Variants in MIER3 observed in about 807,000 individuals in gnomAD.
MIER3 encodes the protein mesoderm induction early response protein 3.
Under a neutral mutation model 63.2 loss-of-function variants are expected in MIER3, and 9 were observed. That is an observed-to-expected ratio of 0.14 (90% CI 0.09 to 0.25). MIER3 has a LOEUF of 0.25. Ranked by LOEUF, MIER3 falls within the 10% of genes least tolerant of loss-of-function variation. MIER3 has a pLI of 1.00. For synonymous variants in MIER3, 205 were observed against 224.9 expected, an observed-to-expected ratio of 0.91 and a Z score of 0.79; for missense variants, 512 against 666.2, an observed-to-expected ratio of 0.77 and a Z score of 2.55.
At chr5:56,940,417 G>C (rs191623156) in intron 3 of MIER3, among the ~76,000 whole-genome samples, 5 of 152,362 alleles carry the variant, frequency 3.3e-5, no homozygotes, top group Admixed American at 2.6e-4. Flanking sequence ...AGAAGAGCCA[G>C]TGATGATTCC....
Position 56,933,295 on chromosome 5 carries a change from T to C in MIER3, c.699A>G (p.Lys233=). 2 of 1,613,172 alleles carry C rather than the reference T, an allele frequency of 1.2e-6. No homozygotes were observed. The highest frequency in any genetic ancestry group is 2.2e-5 in the South Asian group (2 of 90,910). The change falls in exon 8 of 13, where the codon AAA becomes AAG. Residue 233 remains lysine (K), a synonymous_variant. Coordinates refer to ENST00000381199, the MANE Select transcript of MIER3 (RefSeq NM_001297599.2). ...VETSLRTGSE[K]IMDRISAGTH... The stretch of plus-strand genomic sequence containing the variant: ...TTCCTGCAGAAATCCTATCCATTAT[T>C]TTTTCACTGCCAGTCCTTAATGAAG...
chr5:56,942,130 CA>C (rs1295178404), intron 3 of MIER3, among the ~76,000 whole-genome samples: 3 of 152,142 alleles, frequency 2.0e-5, no homozygotes, highest in African/African-American at 7.2e-5. Flanking sequence ...CTCAGAGAAC[CA>C]GGCTGGGCTA....
intron 2 of MIER3, among the ~76,000 whole-genome samples, chr5:56,948,417 A>G (rs770687336): frequency 7.2e-5 from 11 of 152,208 alleles, no homozygotes; most frequent in Non-Finnish European, 1.6e-4. Flanking sequence ...TAATCCCAGC[A>G]CTTTGGGAGG....
In MIER3 at chr5:56,950,663, G is replaced by C. The variant is rs142656176; in HGVS notation, c.10-11C>G. On this transcript the variant is annotated splice_polypyrimidine_tract_variant and intron_variant, in intron 1 of 12. Transcript: ENST00000381199. ...ACTTCCAAAAGAAGCCTAGGAGAGA[G>C]AGAAGAAAACGTGAGGTTAGATCGC... 2.2e-4 allele frequency: 354 copies of C among 1,613,426 alleles called. No homozygotes were observed. In the African/African-American group the frequency reaches 4.3e-3, roughly 20 times the overall value.
rs143125181 is a variant in MIER3, at chr5:56,923,552, G to A, written c.1229C>T (p.Pro410Leu). 63 of 1,613,918 alleles carry A rather than the reference G, an allele frequency of 3.9e-5. No homozygotes were observed. Among genetic ancestry groups the A allele is most frequent in the Non-Finnish European group, 5.3e-5 (62 of 1,179,958 alleles). Residue 410 changes from proline (P) to leucine (L), a missense_variant, in exon 13 of 13, where the codon CCC (proline) becomes CTC (leucine). By Grantham distance (98) the Pro-to-Leu change is moderately conservative. Coordinates refer to ENST00000381199, the MANE Select transcript of MIER3 (RefSeq NM_001297599.2). ...ATCATCCAAACAATTCACATCTGTG[G>A]GGTCGCAGACGGTTGCTACACTGTT... Reference protein sequence around the residue: ...LTNSVATVCDPTDVNCLDDSF... With the variant: ...LTNSVATVCDLTDVNCLDDSF...
At chr5:56,948,860 T>C (rs908478529) in intron 2 of MIER3, among the ~76,000 whole-genome samples, 1 of 152,176 alleles carries the variant, frequency 6.6e-6, no homozygotes, top group Non-Finnish European at 1.5e-5. Context: ...GTTACTCTTC[T>C]ATCACTTGGC....
In MIER3 at chr5:56,942,892, T is replaced by A. The variant is rs1169540775; in HGVS notation, c.181-3875A>T. 3.3e-5 allele frequency among the ~76,000 whole-genome samples: 5 copies of A among 152,136 alleles called. No homozygotes were observed. The South Asian group carries it at 1.0e-3, about 31-fold the overall frequency. Reference sequence around the variant, plus strand: ...CAAGCGCGGTAGCTGCTGCCTGTAATCCCAGCACTTTGGGACGCCAAGGTA... The same window carrying A: ...CAAGCGCGGTAGCTGCTGCCTGTAAACCCAGCACTTTGGGACGCCAAGGTA... On this transcript the variant is annotated intron_variant, in intron 3 of 12. Transcript: ENST00000381199.
intron 10 of MIER3, chr5:56,925,494 C>A: frequency 3.5e-6 from 1 of 283,604 alleles, no homozygotes. Context: ...ATTTAAAACA[C>A]AAGACCATTT....
At chr5:56,930,478 G>A (rs1361181290) in intron 9 of MIER3, among the ~76,000 whole-genome samples, 186 bp downstream of exon 9, 4 of 152,148 alleles carry the variant, frequency 2.6e-5, no homozygotes, top group African/African-American at 9.7e-5. Flanking sequence ...ACTAATTTGT[G>A]TTTGAACAGT....
At position 56,950,609 on chromosome 5, in the gene MIER3, G is replaced by A. The variant is rs781368691; in HGVS notation, c.34+19C>T. The A allele has an allele frequency of 5.8e-5, 93 of 1,613,720 alleles. No individual in the cohort carries two copies. The highest frequency in any genetic ancestry group is 7.4e-5 in the Non-Finnish European group (87 of 1,179,824). Reference sequence around the variant, plus strand: ...TTACCCACTGGGAACCACCGAAGACGTAAGAAAATAGGACAAACCTGGGCT... The same window carrying A: ...TTACCCACTGGGAACCACCGAAGACATAAGAAAATAGGACAAACCTGGGCT... On this transcript the variant is annotated intron_variant, in intron 2 of 12. Coordinates refer to ENST00000381199, the MANE Select transcript of MIER3 (RefSeq NM_001297599.2).
intron 3 of MIER3, among the ~76,000 whole-genome samples, chr5:56,942,261 CT>C (rs770245976): frequency 6.6e-6 from 1 of 152,174 alleles, no homozygotes; most frequent in Non-Finnish European, 1.5e-5. Flanking sequence ...ATCAGAAGAA[CT>C]TTCAGATGTA....
At chr5:56,931,761 C>A (rs1303864808) in intron 8 of MIER3, among the ~76,000 whole-genome samples, 1 of 151,882 alleles carries the variant, frequency 6.6e-6, no homozygotes, top group African/African-American at 2.4e-5. Context: ...AGACATAAAG[C>A]AGGAATAATA....
chr5:56,944,853 C>T (rs1750773290), intron 3 of MIER3, among the ~76,000 whole-genome samples: 2 of 152,136 alleles, frequency 1.3e-5, no homozygotes, highest in South Asian at 2.1e-4. Flanking sequence ...CACCATCACA[C>T]CCAGCTAATT....
Position 56,938,986 on chromosome 5 carries a change from G to C in MIER3, c.212C>G (p.Ala71Gly). ...EGTMPLEDLL[A>G]FYGYEPTIPA... ...AATTGTAGGTTCATAGCCATAGAAT[G>C]CCAGTAAATCTTCTAGAGGCATGGT... The change falls in exon 4 of 13, where the codon GCA (alanine) becomes GGA (glycine). Residue 71 changes from alanine (A) to glycine (G), a missense_variant. Transcript: ENST00000381199. 1 of 1,614,134 alleles carries C rather than the reference G, an allele frequency of 6.2e-7. No homozygotes were observed. Among genetic ancestry groups the C allele is most frequent in the Non-Finnish European group, 8.5e-7 (1 of 1,180,000 alleles).
chr5:56,939,824 T>A (rs968820303), intron 3 of MIER3, among the ~76,000 whole-genome samples: 3 of 152,224 alleles, frequency 2.0e-5, no homozygotes, highest in African/African-American at 7.2e-5. Context: ...GCAGACTGCA[T>A]ATACAGCCAG....
chr5:56,939,042 G>A (rs371329647), intron 3 of MIER3, 25 bp from the exon 4 acceptor site: 20 of 1,611,386 alleles, frequency 1.2e-5, no homozygotes, highest in Admixed American at 1.7e-5. Context: ...GCATAAACAC[G>A]GACTCAGCAG....
rs148258222 is a variant in MIER3 at position 56,923,557 on chromosome 5, G to A, written c.1224C>T (p.Cys408=). Residue 408 remains cysteine, a synonymous_variant, in exon 13 of 13, where the codon TGC becomes TGT. Coordinates refer to ENST00000381199, the MANE Select transcript of MIER3 (RefSeq NM_001297599.2). ...CCAAACAATTCACATCTGTGGGGTC[G>A]CAGACGGTTGCTACACTGTTGGTCA... ...TALTNSVATV[C]DPTDVNCLDD... is the part of the protein sequence containing the mutation. 158 of 1,613,816 alleles carry A rather than the reference G, an allele frequency of 9.8e-5. No homozygotes were observed. The highest frequency in any genetic ancestry group is 3.1e-4 in the East Asian group (14 of 44,894).
At chr5:56,940,728 A>G (rs552661534) in intron 3 of MIER3, among the ~76,000 whole-genome samples, 21 of 152,346 alleles carry the variant, frequency 1.4e-4, no homozygotes, top group African/African-American at 5.1e-4. Context: ...GAACAGGGTG[A>G]AGTTCACCTA....
chr5:56,942,886 C>G (rs1280851044), intron 3 of MIER3, among the ~76,000 whole-genome samples: 4 of 152,180 alleles, frequency 2.6e-5, no homozygotes, highest in Non-Finnish European at 5.9e-5. Flanking sequence ...TAGCTGCTGC[C>G]TGTAATCCCA....
Sources: allele counts gnomAD v4.1 joint callset (sites outside exome capture counted in the v4.1 genomes callset), GRCh38; gene constraint gnomAD v4.1.1; transcripts MANE v1.5; gene names NCBI Gene and HGNC (gene_info 2026-07-23, HGNC 2026-07-21).